PAM: variants seen among roughly 807,000 people sequenced by gnomAD.
PAM encodes peptidylglycine alpha-amidating monooxygenase.
Under a neutral mutation model 122.1 loss-of-function variants are expected in PAM, and 72 were observed. The observed-to-expected ratio is 0.59, with a 90% CI of 0.49 to 0.72. The LOEUF is 0.72. PAM is among the 30% of genes least tolerant of loss of function. The pLI, the probability that PAM is intolerant of heterozygous loss-of-function variation, is 0.00. For synonymous variants in PAM, 389 were observed against 404.4 expected (o/e 0.96, Z 0.46); for missense variants, 1,106 against 1,183.7 (o/e 0.93, Z 0.96).
intron 3 of PAM, among the ~76,000 whole-genome samples, chr5:102,882,827 A>C (rs1050166283): frequency 6.6e-5 from 10 of 151,780 alleles, no homozygotes; most frequent in African/African-American, 1.9e-4. Context: ...TTTCAATGTT[A>C]TCTTCTAGAA....
At chr5:103,001,026 C>T (rs144329934) in intron 16 of PAM, among the ~76,000 whole-genome samples, 110 of 152,180 alleles carry the variant, frequency 7.2e-4, no homozygotes, top group African/African-American at 2.6e-3. Flanking sequence ...GGGGACACAG[C>T]CAAACCATAT....
chr5:103,025,954 A>T (rs1446636275), intron 24 of PAM, among the ~76,000 whole-genome samples: 1 of 152,208 alleles, frequency 6.6e-6, no homozygotes, highest in Non-Finnish European at 1.5e-5. Context: ...AAGTAACAAA[A>T]GGCATAAGAA....
At chr5:102,833,552 A>G (rs1776042306) in intron 1 of PAM, among the ~76,000 whole-genome samples, 1 of 152,196 alleles carries the variant, frequency 6.6e-6, no homozygotes, top group African/African-American at 2.4e-5. Context: ...TTCAATGTGG[A>G]CATTGAGATA....
chr5:102,868,847 T>G (rs1332677692), intron 3 of PAM, among the ~76,000 whole-genome samples: 1 of 152,178 alleles, frequency 6.6e-6, no homozygotes, highest in Non-Finnish European at 1.5e-5. Context: ...AATGGGCAAC[T>G]GTGATGGGGT....
intron 1 of PAM, among the ~76,000 whole-genome samples, chr5:102,770,778 T>C (rs1755538959): frequency 6.6e-6 from 1 of 152,138 alleles, no homozygotes; most frequent in South Asian, 2.1e-4. Context: ...GTATCAATGT[T>C]CATCAGGGAT....
At chr5:102,759,228 C>T (rs1444204338) in intron 1 of PAM, among the ~76,000 whole-genome samples, 1 of 152,150 alleles carries the variant, frequency 6.6e-6, no homozygotes, top group East Asian at 1.9e-4. Context: ...TCACACAGTG[C>T]ATCATCTCAT....
chr5:102,833,277 T>C (rs1206464872), intron 1 of PAM, among the ~76,000 whole-genome samples: 1 of 152,184 alleles, frequency 6.6e-6, no homozygotes, highest in Non-Finnish European at 1.5e-5. Flanking sequence ...GCCTGAGCTC[T>C]GCTTTGTGTT....
At chr5:102,971,937 C>G (rs1765958139) in intron 14 of PAM, among the ~76,000 whole-genome samples, 1 of 152,128 alleles carries the variant, frequency 6.6e-6, no homozygotes, top group South Asian at 2.1e-4. Flanking sequence ...TGTACAGATT[C>G]TGCTCTGAAA....
chr5:103,007,691 C>T, intron 20 of PAM, 34 bp downstream of exon 20: 6 of 1,308,880 alleles, frequency 4.6e-6, no homozygotes, highest in Non-Finnish European at 6.6e-6. Context: ...TGTCTTCTGT[C>T]CTACTGTACT....
Position 102,793,492 on chromosome 5 carries a change from T to C in PAM, c.-374+38144T>C, listed in dbSNP as rs555192432. ...GCTGCAGTGAGCCTGATCGCACCAC[T>C]GCTCTCCAGCCTGGGTGACAGAGTG... On this transcript the variant is annotated intron_variant, in intron 1 of 25. Transcript: ENST00000438793. 4.6e-5 allele frequency among the ~76,000 whole-genome samples: 7 copies of C among 152,328 alleles called. No individual in the cohort carries two copies. The East Asian group carries it at 1.2e-3, about 25-fold the overall frequency.
intron 22 of PAM, among the ~76,000 whole-genome samples, chr5:103,019,300 A>G (rs1252443928): frequency 1.3e-5 from 2 of 152,248 alleles, no homozygotes; most frequent in East Asian, 1.9e-4. Flanking sequence ...CAAAATAGAG[A>G]AGCCCTCTGC....
chr5:102,897,682 T>C (rs533988051), intron 3 of PAM, among the ~76,000 whole-genome samples: 21 of 151,740 alleles, frequency 1.4e-4, no homozygotes, highest in Non-Finnish European at 3.1e-4. Context: ...AACTGCATCA[T>C]GTTATCTATT....
chr5:102,777,446 A>G (rs1253183297), intron 1 of PAM, among the ~76,000 whole-genome samples: 2 of 152,154 alleles, frequency 1.3e-5, no homozygotes, highest in African/African-American at 2.4e-5. Flanking sequence ...TTTTCACAAC[A>G]GTTTCCTGGG....
chr5:102,837,178 A>G (rs1439624507), intron 1 of PAM, among the ~76,000 whole-genome samples: 1 of 152,160 alleles, frequency 6.6e-6, no homozygotes, highest in East Asian at 1.9e-4. Flanking sequence ...TCCCATTAAG[A>G]ATACAGTAAT....
chr5:102,990,006 T>C (rs932995705), intron 15 of PAM: 2 of 250,072 alleles, frequency 8.0e-6, no homozygotes, highest in Non-Finnish European at 1.5e-5. Flanking sequence ...ATTTACCCTT[T>C]AATGACTTGG....
At chr5:102,937,991 A>G (rs779055174) in intron 7 of PAM, among the ~76,000 whole-genome samples, 1 of 152,154 alleles carries the variant, frequency 6.6e-6, no homozygotes, top group Non-Finnish European at 1.5e-5. Flanking sequence ...ATGTAGAGAT[A>G]TTTCTAAATC....
chr5:102,869,418 T>C (rs908775183), intron 3 of PAM, among the ~76,000 whole-genome samples: 1 of 152,214 alleles, frequency 6.6e-6, no homozygotes, highest in African/African-American at 2.4e-5. Context: ...TCACTACTTA[T>C]GCAGTGTTCA....
intron 3 of PAM, among the ~76,000 whole-genome samples, chr5:102,891,864 A>G (rs1360503729): frequency 6.6e-6 from 1 of 151,876 alleles, no homozygotes; most frequent in Non-Finnish European, 1.5e-5. Flanking sequence ...TTACCTGAAA[A>G]TTATCTACTG....
At chr5:102,826,927 A>G (rs1051985323) in intron 1 of PAM, among the ~76,000 whole-genome samples, 1 of 152,228 alleles carries the variant, frequency 6.6e-6, no homozygotes, top group Non-Finnish European at 1.5e-5. Flanking sequence ...TTTAGCATAC[A>G]TATAGATGCT....
Sources: allele counts gnomAD v4.1 joint callset (sites outside exome capture counted in the v4.1 genomes callset), GRCh38; gene constraint gnomAD v4.1.1; transcripts MANE v1.5; gene names NCBI Gene and HGNC (gene_info 2026-07-23, HGNC 2026-07-21).